The following VPS13D variants were observed in gnomAD, a reference collection of about 807,000 sequenced individuals.
The protein encoded by VPS13D is intermembrane lipid transfer protein VPS13D.
VPS13D carries 187 observed loss-of-function variants against 461.9 expected under a neutral mutation model. The ratio of observed to expected loss-of-function variants is 0.40; its 90% CI spans 0.36 to 0.46. The LOEUF is 0.46. Among genes scored for constraint, VPS13D ranks in the 20% least tolerant of loss-of-function variants. VPS13D has a pLI of 0.60. For synonymous variants in VPS13D, 1,951 were observed against 1,986.3 expected (o/e 0.98, Z 0.47); for missense variants, 4,711 against 5,364.9 (o/e 0.88, Z 3.81).
At chr1:12,254,463 A>G (rs147982411) in intron 7 of VPS13D, among the ~76,000 whole-genome samples, 20 of 151,730 alleles carry the variant, frequency 1.3e-4, no homozygotes, top group Admixed American at 2.6e-4. Context: ...TTAAAAAGTC[A>G]TAAATCATCA....
At chr1:12,285,162 A>T (rs1641922464) in intron 21 of VPS13D, among the ~76,000 whole-genome samples, 2 of 152,218 alleles carry the variant, frequency 1.3e-5, no homozygotes, top group African/African-American at 4.8e-5. Context: ...AAAAATTCAG[A>T]TACATCACAG....
At chr1:12,476,611 G>A (rs1645634282) in intron 67 of VPS13D, among the ~76,000 whole-genome samples, 3 of 152,184 alleles carry the variant, frequency 2.0e-5, no homozygotes, top group African/African-American at 7.2e-5. Flanking sequence ...CAGATTGACT[G>A]GATTACACAT....
chr1:12,350,301 TAAAG>T (rs1643766401), intron 46 of VPS13D, among the ~76,000 whole-genome samples: 1 of 152,132 alleles, frequency 6.6e-6, no homozygotes, highest in Non-Finnish European at 1.5e-5. Context: ...CAATAAATAT[TAAAG>T]AACTAAAACC....
intron 68 of VPS13D, chr1:12,499,854 C>G (rs1646012377): frequency 2.0e-6 from 2 of 985,400 alleles, no homozygotes; most frequent in Non-Finnish European, 2.4e-6. Context: ...ACTCATCACT[C>G]TGCAAGAAAG....
intron 64 of VPS13D, among the ~76,000 whole-genome samples, chr1:12,415,970 C>T (rs1209829777): frequency 6.6e-6 from 1 of 152,010 alleles, no homozygotes; most frequent in African/African-American, 2.4e-5. Context: ...CACTTGAGCT[C>T]AGGAGTTCAA....
chr1:12,471,153 C>T (rs898906582), intron 67 of VPS13D, among the ~76,000 whole-genome samples: 3 of 152,018 alleles, frequency 2.0e-5, no homozygotes, highest in African/African-American at 7.2e-5. Flanking sequence ...ATACAGAAAT[C>T]AGCTGGGCAT....
chr1:12,385,141 C>T lies in VPS13D; in HGVS notation c.11371-119C>T, dbSNP rs375229613. The T allele has an allele frequency of 1.3e-4, 100 of 769,722 alleles. 3 individuals carry two copies. The Admixed American group carries it at 1.7e-3, about 13-fold the overall frequency. 47.7% of individuals were successfully genotyped at this position (769,722 alleles called of 1,614,324 possible). Reference sequence around the variant, plus strand: ...CCTTACCAGTGCTTTGGAAACCATTCGCTTCCATAGGATTATTGATTATAT... The same window carrying T: ...CCTTACCAGTGCTTTGGAAACCATTTGCTTCCATAGGATTATTGATTATAT... On this transcript the variant is annotated intron_variant, in intron 58 of 69. Transcript: ENST00000620676.
intron 61 of VPS13D, 91 bp from the exon 62 acceptor site, chr1:12,401,517 A>C: frequency 1.2e-6 from 1 of 868,630 alleles, no homozygotes; most frequent in South Asian, 1.8e-5. Flanking sequence ...TGATTAATGA[A>C]AGCATACCAT....
intron 50 of VPS13D, among the ~76,000 whole-genome samples, chr1:12,359,604 T>G (rs1268092288): frequency 6.6e-6 from 1 of 152,222 alleles, no homozygotes; most frequent in African/African-American, 2.4e-5. Context: ...AAGGAAAAAC[T>G]GATGTGATAT....
At position 12,261,068 on chromosome 1, in the gene VPS13D, G is replaced by A. The variant is rs199641752; in HGVS notation, c.1333G>A (p.Gly445Arg). Residue 445 changes from glycine (G) to arginine (R), a missense_variant, in exon 12 of 70, where the codon GGG (glycine) becomes AGG (arginine). This residue lies in a region of VPS13D where 4,411 missense variants were observed against 4,937.8 expected (regional missense o/e 0.89). Coordinates refer to ENST00000620676, the MANE Select transcript of VPS13D (RefSeq NM_015378.4). ...GTTTCCTGGATGGGGTGGCTGGTAC[G>A]GGCAGCAGACCCCAGAAGGGAATGT... ...SWFPGWGGWY[G>R]QQTPEGNVVE... 3.5e-5 allele frequency: 57 copies of A among 1,613,998 alleles called. No homozygotes were observed. The highest frequency in any genetic ancestry group is 4.6e-5 in the Non-Finnish European group (54 of 1,180,034).
At chr1:12,437,015 C>T (rs1645070881) in intron 65 of VPS13D, among the ~76,000 whole-genome samples, 1 of 152,072 alleles carries the variant, frequency 6.6e-6, no homozygotes, top group African/African-American at 2.4e-5. Flanking sequence ...TTTCACTGAG[C>T]GGGCCCAAAC....
rs1297296648 is a variant in VPS13D, at chr1:12,363,148, A to G, written c.10349A>G (p.Tyr3450Cys). The change falls in exon 52 of 70, where the codon TAT becomes TGT. Residue 3450 changes from tyrosine to cysteine, a missense_variant. Physicochemically the swap from Tyr to Cys is radical, Grantham distance 194. This residue lies in a region of VPS13D where 4,411 missense variants were observed against 4,937.8 expected (regional missense o/e 0.89). Coordinates refer to ENST00000620676, the MANE Select transcript of VPS13D (RefSeq NM_015378.4). ...SVVFHWPRND[Y>C]DQLLCVRLMD... ...GTGTTCCACTGGCCTCGGAATGACTATGATCAGCTATTGTGTGTCAGACTG... is the reference window on the plus strand; with the variant it reads ...GTGTTCCACTGGCCTCGGAATGACTGTGATCAGCTATTGTGTGTCAGACTG... The G allele has an allele frequency of 2.5e-6, 4 of 1,614,098 alleles. No homozygotes were observed. The highest frequency in any genetic ancestry group is 2.7e-5 in the African/African-American group (2 of 74,928).
intron 58 of VPS13D, among the ~76,000 whole-genome samples, chr1:12,383,551 G>A (rs940134367): frequency 1.3e-5 from 2 of 152,186 alleles, no homozygotes; most frequent in African/African-American, 2.4e-5. Flanking sequence ...AGTGGAGGGT[G>A]TATGGAAAGG....
chr1:12,357,237 A>G (rs1367200685), intron 49 of VPS13D, among the ~76,000 whole-genome samples: 1 of 152,252 alleles, frequency 6.6e-6, no homozygotes, highest in Non-Finnish European at 1.5e-5. Flanking sequence ...CTTAACAGAA[A>G]GTCTTCTGGG....
Position 12,460,302 on chromosome 1 carries a change from G to T in VPS13D, c.12568G>T (p.Val4190Phe), listed in dbSNP as rs762120372. The T allele has an allele frequency of 1.2e-6, 2 of 1,612,570 alleles. No individual in the cohort carries two copies. The highest frequency in any genetic ancestry group is 1.1e-5 in the South Asian group (1 of 90,734). ...CATATCTGGCCTTGGAAAAGGGCTT[G>T]TTGGCACTGTAACCAAGCCAGTGGC... Reference protein sequence around the residue: ...GFISGLGKGLVGTVTKPVAGA... With the variant: ...GFISGLGKGLFGTVTKPVAGA... The change falls in exon 67 of 70, where the codon GTT (valine) becomes TTT (phenylalanine). Residue 4190 changes from valine to phenylalanine, a missense_variant. Transcript: ENST00000620676.
At chr1:12,250,160 C>A (rs886711311) in intron 6 of VPS13D, among the ~76,000 whole-genome samples, 1 of 152,222 alleles carries the variant, frequency 6.6e-6, no homozygotes, top group Admixed American at 6.5e-5. Flanking sequence ...GCCACACCCC[C>A]CTCCAGTGTT....
chr1:12,242,004 G>A (rs1204794525), intron 2 of VPS13D, among the ~76,000 whole-genome samples: 3 of 151,910 alleles, frequency 2.0e-5, no homozygotes, highest in Admixed American at 2.0e-4. Flanking sequence ...CAAGGGGTCA[G>A]CAAAGAGACC....
At chr1:12,333,916 C>T (rs1218042768) in intron 38 of VPS13D, among the ~76,000 whole-genome samples, 1 of 152,238 alleles carries the variant, frequency 6.6e-6, no homozygotes, top group Admixed American at 6.5e-5. Context: ...TCTATTGTTA[C>T]AGTTCTGCCA....
At position 12,335,113 on chromosome 1, in the gene VPS13D, C is replaced by G. The variant is rs575659069; in HGVS notation, c.8429-592C>G. On this transcript the variant is annotated intron_variant, in intron 38 of 69. Transcript: ENST00000620676. ...AGAATTGTCTGCTGAATTTCAGCCT[C>G]TGGAGTGCAGTGGCATGATCTCGGC... Among the ~76,000 whole-genome samples the G allele has an allele frequency of 9.8e-5, 15 of 152,318 alleles. No homozygotes were observed. The South Asian group carries it at 3.1e-3, about 32-fold the overall frequency.
Sources: allele counts gnomAD v4.1 joint callset (sites outside exome capture counted in the v4.1 genomes callset), GRCh38; gene constraint gnomAD v4.1.1; regional missense constraint gnomAD v4.1.1; transcripts MANE v1.5; gene names NCBI Gene and HGNC (gene_info 2026-07-23, HGNC 2026-07-21).